The following ZNF106 variants were observed in gnomAD, a reference collection of about 807,000 sequenced individuals.
ZNF106 encodes zinc finger protein 106, also known as SH3-domain binding protein 3.
Under a neutral mutation model 195.1 loss-of-function variants are expected in ZNF106, and 67 were observed. The observed-to-expected ratio is 0.34, with a 90% CI of 0.28 to 0.42. ZNF106 has a LOEUF of 0.42. Among genes scored for constraint, ZNF106 ranks in the 10% least tolerant of loss-of-function variants. ZNF106 has a pLI of 1.00. For missense variants in ZNF106, 2,118 were observed against 2,304.5 expected, an observed-to-expected ratio of 0.92 and a Z score of 1.66; for synonymous variants, 784 against 818.6, an observed-to-expected ratio of 0.96 and a Z score of 0.72.
intron 3 of ZNF106, among the ~76,000 whole-genome samples, chr15:42,461,576 C>A (rs929354866): frequency 3.0e-4 from 46 of 152,228 alleles, no homozygotes; most frequent in Admixed American, 3.0e-3. Flanking sequence ...ACGGCCCACA[C>A]ATCTGAAGAA....
At chr15:42,456,355 G>C (rs1167457799) in intron 4 of ZNF106, among the ~76,000 whole-genome samples, 1 of 152,146 alleles carries the variant, frequency 6.6e-6, no homozygotes, top group African/African-American at 2.4e-5. Context: ...GTATTCAAAA[G>C]ATTTGGATAC....
intron 15 of ZNF106, among the ~76,000 whole-genome samples, chr15:42,427,405 TCA>T (rs1430831208): frequency 6.6e-6 from 1 of 152,140 alleles, no homozygotes; most frequent in Non-Finnish European, 1.5e-5. Context: ...TAACAGATGC[TCA>T]ATAAAGGCTA....
In ZNF106 at chr15:42,450,589, G is replaced by A; in HGVS notation, c.1683C>T (p.Ala561=). ...ACTCATGACACTGTAGCACCTCTTTGGCCTTTCGTAAAGTATCATTTAAAT... is the reference window on the plus strand; with the variant it reads ...ACTCATGACACTGTAGCACCTCTTTAGCCTTTCGTAAAGTATCATTTAAAT... ...GDNLNDTLRK[A]KEVLQCHESL... is the part of the protein sequence containing the mutation. Residue 561 remains alanine, a synonymous_variant, in exon 5 of 22, where the codon GCC becomes GCT. Transcript: ENST00000564754. 6.2e-7 allele frequency: 1 copy of A among 1,614,016 alleles called. No individual in the cohort carries two copies. The highest frequency in any genetic ancestry group is 8.5e-7 in the Non-Finnish European group (1 of 1,180,008).
intron 9 of ZNF106, among the ~76,000 whole-genome samples, chr15:42,442,670 G>C (rs974764399): frequency 4.2e-5 from 6 of 143,922 alleles, no homozygotes; most frequent in African/African-American, 1.6e-4. Flanking sequence ...AGGCTGCAGT[G>C]CAGTGGTGCA....
At position 42,439,162 on chromosome 15, in the gene ZNF106, T is replaced by C. The variant is rs1190787473; in HGVS notation, c.4415A>G (p.Asp1472Gly). 1.9e-6 allele frequency: 3 copies of C among 1,614,140 alleles called. No homozygotes were observed. In the South Asian group the frequency reaches 3.3e-5, roughly 18 times the overall value. ...DSSESGEEKP[D>G]SPSKKDIWNS... ...CCAAATATCCTTTTTAGATGGGCTG[T>C]CTGGTTTCTCTTCTCCTGATTCTGA... Residue 1472 changes from aspartate to glycine, a missense_variant, in exon 11 of 22, where the codon GAC (aspartate) becomes GGC (glycine). Transcript: ENST00000564754.
chr15:42,448,422 C>T lies in ZNF106; in HGVS notation c.2785G>A (p.Ala929Thr), dbSNP rs2055853398. 2.5e-6 allele frequency: 4 copies of T among 1,614,152 alleles called. No homozygotes were observed. Among genetic ancestry groups the T allele is most frequent in the Non-Finnish European group, 3.4e-6 (4 of 1,180,040 alleles). ...NSLRAGQSQK[A>T]TMHLKQEVTP... ...ACTTCTTGTTTGAGGTGCATGGTTG[C>T]TTTCTGGCTCTGTCCAGCCCTCAAT... The change falls in exon 6 of 22, where the codon GCA becomes ACA. Residue 929 changes from alanine to threonine, a missense_variant. Physicochemically the swap from Ala to Thr is moderately conservative, Grantham distance 58. Transcript: ENST00000564754.
chr15:42,449,478 C>T (rs975232287), intron 5 of ZNF106, among the ~76,000 whole-genome samples: 1 of 152,082 alleles, frequency 6.6e-6, no homozygotes, highest in African/African-American at 2.4e-5. Context: ...CATTTTCTAC[C>T]CCTATAAAGT....
intron 1 of ZNF106, chr15:42,490,476 G>C (rs1440867488): frequency 6.6e-6 from 1 of 152,030 alleles, no homozygotes; most frequent in African/African-American, 2.4e-5. Context: ...TATACACCGA[G>C]ATTCGGACTA....
chr15:42,453,873 CATGGCATGTATTCTTA>C, intron 4 of ZNF106, among the ~76,000 whole-genome samples: 1 of 152,122 alleles, frequency 6.6e-6, no homozygotes, highest in Non-Finnish European at 1.5e-5. Flanking sequence ...GGATTACAGG[CATGGCATGTATTCTTA>C]TTATTCCTAC....
chr15:42,477,834 A>G (rs28886308), intron 1 of ZNF106, among the ~76,000 whole-genome samples: 66,023 of 151,834 alleles, frequency 0.43, 19,864 homozygotes, highest in African/African-American at 0.86. Flanking sequence ...AGGTTGCAGT[A>G]AGCCAAAATC....
rs368303436 is a variant in ZNF106 at position 42,489,093 on chromosome 15, AACAC to A, written c.-33+1883_-33+1886del. ...GCTCTCTCTAAAAAAAAAAAAAAAC[AACAC>A]ACACACACACACACACACACAATAG... On this transcript the variant is annotated intron_variant, in intron 1 of 21. Coordinates refer to ENST00000564754, the MANE Select transcript of ZNF106 (RefSeq NM_001366845.3). 9.0e-3 allele frequency among the ~76,000 whole-genome samples: 1,284 copies of A among 142,474 alleles called. 18 individuals are homozygous for A. Among genetic ancestry groups the A allele is most frequent in the African/African-American group, 0.032 (1,218 of 38,652 alleles). 93.5% of individuals were successfully genotyped at this position (142,474 alleles called of 152,430 possible). A position where few individuals can be genotyped will look rare whatever the true frequency, so the allele number is the denominator to read the frequency against.
At chr15:42,466,761 GA>G (rs1406426978) in intron 2 of ZNF106, among the ~76,000 whole-genome samples, 1 of 152,190 alleles carries the variant, frequency 6.6e-6, no homozygotes, top group Non-Finnish European at 1.5e-5. Flanking sequence ...TGGTTCCAAT[GA>G]AAAGTTTGAA....
In ZNF106 at chr15:42,417,039, T is replaced by C. The variant is rs1362527474; in HGVS notation, c.*265A>G. ...TCAATAAACATCTGGAGAACGCAAA[T>C]AGCATATATCACTATATGCCATGCT... On this transcript the variant is annotated 3_prime_UTR_variant, in exon 22 of 22. Transcript: ENST00000564754. 5.6e-6 allele frequency: 2 copies of C among 358,490 alleles called. No individual in the cohort carries two copies. The highest frequency in any genetic ancestry group is 1.0e-5 in the Non-Finnish European group (2 of 198,508). 22.2% of individuals were successfully genotyped at this position (358,490 alleles called of 1,614,324 possible).
At chr15:42,475,313 G>A (rs185588414) in intron 1 of ZNF106, among the ~76,000 whole-genome samples, 2,088 of 152,050 alleles carry the variant, frequency 0.014, 59 homozygotes, top group African/African-American at 0.048. Context: ...ATGGTGGCAC[G>A]TGCCTGTAAT....
In ZNF106 at chr15:42,430,405, A is replaced by G. The variant is rs974986792; in HGVS notation, c.4882-2271T>C. Among the ~76,000 whole-genome samples, 3 of 152,010 alleles carry G rather than the reference A, an allele frequency of 2.0e-5. 1 individual carries two copies. Among genetic ancestry groups the G allele is most frequent in the Admixed American group, 1.3e-4 (2 of 15,268 alleles). The stretch of plus-strand genomic sequence containing the variant: ...TTATGTATTTGTTTTTTGAAAGACA[A>G]GGTCTCGCTCTGCCTCCTGGCTAGA... On this transcript the variant is annotated intron_variant, in intron 14 of 21. Coordinates refer to ENST00000564754, the MANE Select transcript of ZNF106 (RefSeq NM_001366845.3).
At position 42,448,227 on chromosome 15, in the gene ZNF106, G is replaced by C. The variant is rs766795904; in HGVS notation, c.2980C>G (p.Gln994Glu). Residue 994 changes from glutamine to glutamate, a missense_variant, in exon 6 of 22, where the codon CAG (glutamine) becomes GAG (glutamate). Transcript: ENST00000564754. ...SIPPSENQNSQESNGEGNCLS... is the reference protein window; with the variant it reads ...SIPPSENQNSEESNGEGNCLS... The stretch of plus-strand genomic sequence containing the variant: ...CAGTTTCCCTCTCCATTACTCTCCT[G>C]GGAATTCTGATTCTCTGACGGTGGT... 1 of 1,614,106 alleles carries C rather than the reference G, an allele frequency of 6.2e-7. No individual in the cohort carries two copies. The highest frequency in any genetic ancestry group is 2.2e-5 in the East Asian group (1 of 44,878).
At chr15:42,438,462 G>T in intron 12 of ZNF106, 150 bp downstream of exon 12, 1 of 666,374 alleles carries the variant, frequency 1.5e-6, no homozygotes, top group Non-Finnish European at 2.6e-6. Flanking sequence ...AAGAATATCA[G>T]AACTGTTGAT....
chr15:42,429,683 G>C (rs918566299), intron 14 of ZNF106, among the ~76,000 whole-genome samples: 63 of 152,040 alleles, frequency 4.1e-4, no homozygotes, highest in African/African-American at 1.5e-3. Context: ...ATATGAAATT[G>C]TAAGATACAG....
Position 42,451,135 on chromosome 15 carries a change from C to CTTCTGAGA in ZNF106, c.1129_1136dup (p.Lys379AsnfsTer12). On this transcript the variant is annotated frameshift_variant, in exon 5 of 22. Coordinates refer to ENST00000564754, the MANE Select transcript of ZNF106 (RefSeq NM_001366845.3). LOFTEE classifies it high-confidence loss of function. ...TCAATCCCGACTGTAAATCCAGAGT[C>CTTCTGAGA]TTCTGAGAAGGGTAAGGCGTCCAGC... The CTTCTGAGA allele has an allele frequency of 6.2e-7, 1 of 1,614,184 alleles. No homozygotes were observed. Among genetic ancestry groups the CTTCTGAGA allele is most frequent in the South Asian group, 1.1e-5 (1 of 91,082 alleles).
Sources: allele counts gnomAD v4.1 joint callset (sites outside exome capture counted in the v4.1 genomes callset), GRCh38; gene constraint gnomAD v4.1.1; transcripts MANE v1.5; gene names NCBI Gene and HGNC (gene_info 2026-07-23, HGNC 2026-07-21).